Variants in ANK2 observed in about 807,000 individuals in gnomAD.
The protein encoded by ANK2 is ankyrin-2.
A neutral mutation model predicts 360.5 loss-of-function variants in ANK2; 83 were observed. The observed-to-expected ratio is 0.23, with a 90% confidence interval of 0.19 to 0.28. The LOEUF (loss-of-function observed/expected upper bound fraction) is 0.28, where lower values mean the gene tolerates loss of function less well. Among genes scored for constraint, ANK2 ranks in the 10% least tolerant of loss-of-function variants. The probability of loss-of-function intolerance (pLI) is 1.00; values close to 1 mark genes in which losing one functional copy is unlikely to be tolerated. For synonymous variants in ANK2, 1,740 were observed against 1,759.5 expected (o/e 0.99, Z 0.28); for missense variants, 4,201 against 4,795.7 (o/e 0.88, Z 3.66).
intron 28 of ANK2, among the ~76,000 whole-genome samples, 162 bp downstream of exon 28, chr4:113,332,232 G>A (rs968237040): frequency 6.6e-6 from 1 of 152,044 alleles, no homozygotes; most frequent in East Asian, 1.9e-4. Context: ...GACCCTTGTG[G>A]TATGTGACTT....
intron 9 of ANK2, among the ~76,000 whole-genome samples, chr4:113,247,663 A>G (rs2043753994): frequency 6.6e-6 from 1 of 152,212 alleles, no homozygotes; most frequent in Non-Finnish European, 1.5e-5. Context: ...ATAGGGTGAG[A>G]AACATCATCT....
intron 1 of ANK2, among the ~76,000 whole-genome samples, chr4:112,832,665 C>G (rs1380368509): frequency 1.3e-5 from 2 of 152,120 alleles, no homozygotes; most frequent in African/African-American, 2.4e-5. Context: ...ACATTTGGCC[C>G]AGATGTTACT....
chr4:113,379,448 C>A (rs78065574), intron 45 of ANK2, among the ~76,000 whole-genome samples: 1 of 152,140 alleles, frequency 6.6e-6, no homozygotes, highest in African/African-American at 2.4e-5. Context: ...TTAAAGATAT[C>A]ATATACATGT....
intron 15 of ANK2, among the ~76,000 whole-genome samples, chr4:113,275,375 A>G (rs1222851281): frequency 1.3e-5 from 2 of 152,248 alleles, no homozygotes; most frequent in Non-Finnish European, 2.9e-5. Flanking sequence ...TAATTAGAGC[A>G]AAATTAATTG....
chr4:113,345,319 G>T (rs1164370670), intron 34 of ANK2, among the ~76,000 whole-genome samples: 1 of 152,134 alleles, frequency 6.6e-6, no homozygotes, highest in Non-Finnish European at 1.5e-5. Flanking sequence ...GTTCAATGGG[G>T]ACAGTTTCGG....
chr4:113,313,968 A>G (rs1308231728), intron 24 of ANK2, among the ~76,000 whole-genome samples: 2 of 152,202 alleles, frequency 1.3e-5, no homozygotes, highest in African/African-American at 2.4e-5. Context: ...TGTTTCAACA[A>G]TCACTGCTGC....
the ANK2 span, among the ~76,000 whole-genome samples, chr4:112,752,359 G>T: frequency 6.8e-6 from 1 of 147,028 alleles, no homozygotes; most frequent in African/African-American, 2.6e-5. Flanking sequence ...TAAATGTTAA[G>T]CAGCAAGTGC....
At chr4:112,802,750 G>A in the ANK2 span, among the ~76,000 whole-genome samples, 1 of 152,088 alleles carries the variant, frequency 6.6e-6, no homozygotes, top group East Asian at 1.9e-4. Context: ...GAGCAATATA[G>A]ACAACATAGG....
chr4:113,097,838 ATATGTG>A lies in ANK2; in HGVS notation c.84+48028_84+48033del, dbSNP rs372921679. ...ATAGATAAATTTTCCTCTTGTATAT[ATATGTG>A]TGTGTGTGTGTGTGTGTGTGTGTAT... On this transcript the variant is annotated intron_variant, in intron 1 of 45. Transcript: ENST00000357077. 4.5e-4 allele frequency among the ~76,000 whole-genome samples: 43 copies of A among 95,294 alleles called. 2 individuals carry two copies. The highest frequency in any genetic ancestry group is 7.2e-4 in the African/African-American group (14 of 19,358). 62.5% of individuals were successfully genotyped at this position (95,294 alleles called of 152,430 possible). A position where few individuals can be genotyped will look rare whatever the true frequency, so the allele number is the denominator to read the frequency against.
intron 2 of ANK2, among the ~76,000 whole-genome samples, chr4:113,010,908 G>A (rs989998782): frequency 6.6e-6 from 1 of 150,850 alleles, no homozygotes; most frequent in Non-Finnish European, 1.5e-5. Context: ...TTTCAGCAGT[G>A]TCTGGGGCAG....
At chr4:112,947,741 T>C (rs914959755) in intron 2 of ANK2, among the ~76,000 whole-genome samples, 1 of 152,218 alleles carries the variant, frequency 6.6e-6, no homozygotes, top group Non-Finnish European at 1.5e-5. Context: ...ACATGTTGTA[T>C]GTCATTTGTA....
At chr4:113,332,323 G>A (rs2092655723) in intron 28 of ANK2, among the ~76,000 whole-genome samples, 1 of 152,118 alleles carries the variant, frequency 6.6e-6, no homozygotes, top group African/African-American at 2.4e-5. Flanking sequence ...GATCTGCCTA[G>A]TTGTACTATG....
In ANK2 at chr4:113,356,888, G is replaced by A; in HGVS notation, c.8270G>A (p.Arg2757Lys). The change falls in exon 38 of 46, where the codon AGG becomes AAG. Residue 2757 changes from arginine to lysine, a missense_variant. Physicochemically the swap from Arg to Lys is conservative, Grantham distance 26. Around this residue, in one of 4 missense-constraint regions of ANK2, gnomAD observed 2,642 missense variants for 2,714.5 expected, o/e 0.97. Coordinates refer to ENST00000357077, the MANE Select transcript of ANK2 (RefSeq NM_001148.6). Reference protein sequence around the residue: ...RHAVSTEAEDRSYDKLNRDTD... With the variant: ...RHAVSTEAEDKSYDKLNRDTD... Reference sequence around the variant, plus strand: ...GCTGTTTCCACTGAGGCTGAAGACAGGTCTTATGATAAGCTAAACAGAGAC... The same window carrying A: ...GCTGTTTCCACTGAGGCTGAAGACAAGTCTTATGATAAGCTAAACAGAGAC... The A allele has an allele frequency of 1.2e-6, 2 of 1,614,060 alleles. No individual in the cohort carries two copies. The highest frequency in any genetic ancestry group is 1.7e-6 in the Non-Finnish European group (2 of 1,179,984).
rs566347176 is a variant in ANK2, at chr4:113,116,958, C to A, written c.85-57458C>A. The A allele has an allele frequency of 1.6e-5, 4 of 249,116 alleles. No individual in the cohort carries two copies. The South Asian group carries it at 2.2e-4, about 14-fold the overall frequency. 15.4% of individuals were successfully genotyped at this position (249,116 alleles called of 1,614,324 possible). A position where few individuals can be genotyped will look rare whatever the true frequency, so the allele number is the denominator to read the frequency against. On this transcript the variant is annotated intron_variant, in intron 1 of 45. Transcript: ENST00000357077. ...CTTCTCTGCACTTGCAGCCACCCAA[C>A]TGCTGAAGAGCTGGAAGTCTAGTGC...
chr4:112,831,253 G>A (rs112268469), intron 1 of ANK2, among the ~76,000 whole-genome samples: 3,574 of 152,350 alleles, frequency 0.023, 123 homozygotes, highest in African/African-American at 0.08. Flanking sequence ...TCCACTAGGC[G>A]AAGCAAGCTG....
At chr4:113,338,838 C>T (rs998774189) in intron 31 of ANK2, among the ~76,000 whole-genome samples, 2 of 151,846 alleles carry the variant, frequency 1.3e-5, no homozygotes, top group African/African-American at 2.4e-5. Flanking sequence ...CATGAGTCAC[C>T]GCGCCCGGCC....
At chr4:113,368,454 G>A (rs2096614662) in intron 42 of ANK2, among the ~76,000 whole-genome samples, 1 of 152,192 alleles carries the variant, frequency 6.6e-6, no homozygotes, top group African/African-American at 2.4e-5. Flanking sequence ...TAGAGTTGGG[G>A]TGGGAGTAAA....
intron 1 of ANK2, among the ~76,000 whole-genome samples, chr4:113,077,417 A>G (rs912302646): frequency 6.6e-6 from 1 of 152,154 alleles, no homozygotes; most frequent in Non-Finnish European, 1.5e-5. Context: ...CAATAAGTTT[A>G]TGTGACTTTT....
chr4:112,861,841 G>GAGAGAGAGAGAGAGAGAC (rs1340044042), intron 1 of ANK2, among the ~76,000 whole-genome samples: 29 of 142,984 alleles, frequency 2.0e-4, no homozygotes, highest in Non-Finnish European at 3.6e-4. Flanking sequence ...CATAGAGACA[G>GAGAGAGAGAGAGAGAGAC]AGAGAGAGAG....
Sources: allele counts gnomAD v4.1 joint callset (sites outside exome capture counted in the v4.1 genomes callset), GRCh38; gene constraint gnomAD v4.1.1; regional missense constraint gnomAD v4.1.1; transcripts MANE v1.5; gene names NCBI Gene and HGNC (gene_info 2026-07-23, HGNC 2026-07-21).